The following KANSL1L variants were observed in gnomAD, a reference collection of about 807,000 sequenced individuals.
KANSL1L encodes the protein KAT8 regulatory NSL complex subunit 1 like.
KANSL1L carries 25 observed loss-of-function variants against 108.6 expected under a neutral mutation model. The observed-to-expected ratio is 0.23, with a 90% CI of 0.17 to 0.32. The LOEUF is 0.32. KANSL1L is among the 10% of genes least tolerant of loss of function. The pLI is 1.00. For missense variants in KANSL1L, 1,137 were observed against 1,125.7 expected, an observed-to-expected ratio of 1.01 and a Z score of -0.14; for synonymous variants, 405 against 395.1, an observed-to-expected ratio of 1.03 and a Z score of -0.30.
chr2:210,080,684 A>G (rs892825634), intron 5 of KANSL1L, among the ~76,000 whole-genome samples: 3 of 152,196 alleles, frequency 2.0e-5, no homozygotes, highest in Non-Finnish European at 2.9e-5. Context: ...TTAACAAACT[A>G]TAGTTCAACA....
intron 9 of KANSL1L, 64 bp from the exon 10 acceptor site, chr2:210,029,982 T>G: frequency 1.4e-6 from 1 of 723,238 alleles, no homozygotes; most frequent in South Asian, 2.2e-5. Flanking sequence ...AGAATTACTT[T>G]CCTAATTAGA....
chr2:210,053,890 G>C (rs1367411998), intron 6 of KANSL1L, among the ~76,000 whole-genome samples: 1 of 151,886 alleles, frequency 6.6e-6, no homozygotes, highest in Non-Finnish European at 1.5e-5. Flanking sequence ...AAATCAATAT[G>C]AAAAAGGCAA....
intron 3 of KANSL1L, among the ~76,000 whole-genome samples, chr2:210,125,234 A>G (rs1189828094): frequency 6.6e-6 from 1 of 152,204 alleles, no homozygotes; most frequent in African/African-American, 2.4e-5. Flanking sequence ...AGCCTGGGCA[A>G]CAAGAGCAAA....
In KANSL1L at chr2:210,080,796, C is replaced by T. The variant is rs182740299; in HGVS notation, c.1551-5040G>A. ...CCCTTTTGTGGTCTTAGACAAAGTC[C>T]CTTGTCCCTTTTTGCCTTATCTGCT... On this transcript the variant is annotated intron_variant, in intron 5 of 14. Coordinates refer to ENST00000281772, the MANE Select transcript of KANSL1L (RefSeq NM_152519.4). Among the ~76,000 whole-genome samples the T allele has an allele frequency of 4.4e-3, 663 of 152,034 alleles. 3 individuals are homozygous for T. The highest frequency in any genetic ancestry group is 7.5e-3 in the Non-Finnish European group (507 of 67,986).
intron 6 of KANSL1L, among the ~76,000 whole-genome samples, chr2:210,055,957 T>G (rs927672652): frequency 1.3e-5 from 2 of 152,232 alleles, no homozygotes; most frequent in Non-Finnish European, 2.9e-5. Context: ...GGGAAAATGT[T>G]TCCACCTCAT....
chr2:210,030,499 CTTT>C (rs34540957), intron 9 of KANSL1L, among the ~76,000 whole-genome samples: 1 of 118,172 alleles, frequency 8.5e-6, no homozygotes, highest in Admixed American at 8.5e-5. Context: ...CTTCCAAGTT[CTTT>C]TTTTTTTTTT....
intron 2 of KANSL1L, among the ~76,000 whole-genome samples, chr2:210,138,924 C>T (rs1391484327): frequency 1.3e-5 from 2 of 151,878 alleles, no homozygotes; most frequent in Non-Finnish European, 2.9e-5. Context: ...CATGGCGAAA[C>T]CCCGCCTCTA....
At chr2:210,060,199 A>T (rs998254934) in intron 6 of KANSL1L, among the ~76,000 whole-genome samples, 9 of 152,210 alleles carry the variant, frequency 5.9e-5, no homozygotes, top group Non-Finnish European at 1.0e-4. Context: ...TGAAATTATT[A>T]TATGTACCTT....
Position 210,022,070 on chromosome 2 carries a change from G to GTCT in KANSL1L, c.*876_*878dup, listed in dbSNP as rs1435159179. On this transcript the variant is annotated 3_prime_UTR_variant, in exon 15 of 15. Coordinates refer to ENST00000281772, the MANE Select transcript of KANSL1L (RefSeq NM_152519.4). ...GTTTGTGGCTCATTTTAAAACTGGTGTCTTCTCTTCATGAGACACATTAAT... is the reference window on the plus strand; with the variant it reads ...GTTTGTGGCTCATTTTAAAACTGGTGTCTTCTTCTCTTCATGAGACACATTAAT... 3 of 146,620 alleles carry GTCT rather than the reference G, an allele frequency of 2.0e-5. No homozygotes were observed. The highest frequency in any genetic ancestry group is 4.5e-5 in the Non-Finnish European group (3 of 67,164). 9.1% of individuals were successfully genotyped at this position (146,620 alleles called of 1,614,324 possible).
At chr2:210,164,107 T>C (rs930899990) in intron 1 of KANSL1L, among the ~76,000 whole-genome samples, 32 of 152,102 alleles carry the variant, frequency 2.1e-4, no homozygotes, top group Non-Finnish European at 4.1e-4. Context: ...AAAAGAAACA[T>C]GAAAAATTAA....
chr2:210,162,222 GTATATATATA>G (rs71043976), intron 1 of KANSL1L, among the ~76,000 whole-genome samples: 9 of 107,496 alleles, frequency 8.4e-5, no homozygotes, highest in East Asian at 2.6e-4. Flanking sequence ...AGTGGTTCAG[GTATATATATA>G]TATATATATA....
chr2:210,087,122 G>A (rs2094645525), intron 5 of KANSL1L, among the ~76,000 whole-genome samples: 1 of 151,468 alleles, frequency 6.6e-6, no homozygotes, highest in Admixed American at 6.6e-5. Flanking sequence ...CTGACCTCCT[G>A]GGACCAAGCA....
chr2:210,051,571 A>C (rs2125229367), intron 6 of KANSL1L, among the ~76,000 whole-genome samples: 1 of 152,314 alleles, frequency 6.6e-6, no homozygotes, highest in East Asian at 1.9e-4. Flanking sequence ...ACTTCATGTG[A>C]AAATAATGAC....
intron 6 of KANSL1L, chr2:210,064,272 A>C (rs1335746608): frequency 6.6e-6 from 1 of 152,246 alleles, no homozygotes; most frequent in African/African-American, 2.4e-5. Context: ...CTTTATCAGC[A>C]GCATGAATAT....
Position 210,095,448 on chromosome 2 carries a change from G to A in KANSL1L, c.1550+2638C>T, listed in dbSNP as rs1008686375. Among the ~76,000 whole-genome samples the A allele has an allele frequency of 6.4e-4, 97 of 152,068 alleles. 1 individual carries two copies. Among genetic ancestry groups the A allele is most frequent in the Non-Finnish European group, 1.3e-4 (9 of 67,926 alleles). On this transcript the variant is annotated intron_variant, in intron 5 of 14. Transcript: ENST00000281772. The stretch of plus-strand genomic sequence containing the variant: ...CTGACAAAACCAACAGATATTTTCA[G>A]TACTCTCTTTGGCATACGAAACAAT...
chr2:210,116,365 A>G (rs1027354658), intron 3 of KANSL1L, among the ~76,000 whole-genome samples: 1 of 152,138 alleles, frequency 6.6e-6, no homozygotes, highest in Non-Finnish European at 1.5e-5. Flanking sequence ...GCCTGGGTGG[A>G]TTTGCCACCT....
chr2:210,064,029 C>CGGG (rs969766550), intron 6 of KANSL1L: 10 of 151,966 alleles, frequency 6.6e-5, no homozygotes, highest in Admixed American at 5.9e-4. Context: ...AATTGACTCA[C>CGGG]GGGGCCAAGT....
In KANSL1L at chr2:210,052,486, G is replaced by C. The variant is rs145896683; in HGVS notation, c.1756-8382C>G. On this transcript the variant is annotated intron_variant, in intron 6 of 14. Coordinates refer to ENST00000281772, the MANE Select transcript of KANSL1L (RefSeq NM_152519.4). ...ATATGTTTAATGACTCAGAAATACT[G>C]GAAATGCTTTAACTCTAAATCTCTG... Among the ~76,000 whole-genome samples, 84 of 152,196 alleles carry C rather than the reference G, an allele frequency of 5.5e-4. 2 individuals carry two copies. In the South Asian group the frequency reaches 0.015, roughly 27 times the overall value.
intron 6 of KANSL1L, among the ~76,000 whole-genome samples, chr2:210,057,321 G>A (rs1320297037): frequency 6.6e-6 from 1 of 152,152 alleles, no homozygotes; most frequent in Admixed American, 6.5e-5. Context: ...AGAATCACTT[G>A]AACCCTGGAG....
Sources: gnomAD v4.1 joint callset for allele counts (sites outside exome capture counted in the v4.1 genomes callset) on GRCh38, gnomAD v4.1.1 for gene constraint, MANE v1.5 for transcripts, NCBI Gene and HGNC (gene_info 2026-07-23, HGNC 2026-07-21) for gene names.